Variants in PALM2AKAP2 observed in about 807,000 individuals in gnomAD.
The protein encoded by PALM2AKAP2 is PALM2-AKAP2 fusion protein.
In PALM2AKAP2, 37 loss-of-function variants were observed where a neutral mutation model predicts 71.5. The ratio of observed to expected loss-of-function variants is 0.52; its 90% confidence interval spans 0.40 to 0.68. The LOEUF (loss-of-function observed/expected upper bound fraction) is 0.68. PALM2AKAP2 is among the 30% of genes least tolerant of loss of function. The probability of loss-of-function intolerance (pLI) is 0.00; values close to 1 mark genes in which losing one functional copy is unlikely to be tolerated. For missense variants in PALM2AKAP2, 1,224 were observed against 1,191.8 expected, an observed-to-expected ratio of 1.03 and a Z score of -0.40; for synonymous variants, 468 against 478.8, an observed-to-expected ratio of 0.98 and a Z score of 0.29.
At position 109,847,865 on chromosome 9, in the gene PALM2AKAP2, C is replaced by T. The variant is rs376829725; in HGVS notation, c.46-19626C>T. On this transcript the variant is annotated intron_variant, in intron 1 of 9. Transcript: ENST00000302798. Reference sequence around the variant, plus strand: ...TGGCTGTAGGTGACTTTTGGTGCCACCATTTTTGACTCTTGTGGATAAAGA... The same window carrying T: ...TGGCTGTAGGTGACTTTTGGTGCCATCATTTTTGACTCTTGTGGATAAAGA... 1.8e-3 allele frequency among the ~76,000 whole-genome samples: 270 copies of T among 152,318 alleles called. 14 individuals carry two copies. The South Asian group carries it at 0.055, about 31-fold the overall frequency.
At position 109,931,925 on chromosome 9, in the gene PALM2AKAP2, A is replaced by G; in HGVS notation, c.395-2A>G. ...ATTGTATTCCCTGTTCTCTGCTACC[A>G]GATGCAGTAAATTACATTTCCTCCC... is the stretch of plus-strand genomic sequence containing the variant. On this transcript the variant is annotated splice_acceptor_variant, in intron 5 of 9. Transcript: ENST00000302798. LOFTEE classifies it high-confidence loss of function. 1 of 1,613,854 alleles carries G rather than the reference A, an allele frequency of 6.2e-7. No homozygotes were observed. Among genetic ancestry groups the G allele is most frequent in the Non-Finnish European group, 8.5e-7 (1 of 1,179,848 alleles).
At chr9:109,870,611 C>G (rs1829579047) in intron 2 of PALM2AKAP2, among the ~76,000 whole-genome samples, 2 of 152,162 alleles carry the variant, frequency 1.3e-5, no homozygotes, top group Admixed American at 1.3e-4. Flanking sequence ...AGTGATTTGC[C>G]CAAGACCATA....
At chr9:109,772,174 A>G (rs575333794) in intron 1 of PALM2AKAP2, 3 of 152,210 alleles carry the variant, frequency 2.0e-5, no homozygotes, top group Admixed American at 6.5e-5. Context: ...TTCCTTCTCA[A>G]AAGCGAAGGG....
chr9:109,863,338 AAAGT>A (rs1829364899), intron 1 of PALM2AKAP2, among the ~76,000 whole-genome samples: 1 of 152,218 alleles, frequency 6.6e-6, no homozygotes, highest in South Asian at 2.1e-4. Context: ...GTCTTTCAAG[AAAGT>A]AAGTGTCTAG....
At chr9:110,114,696 G>T (rs895729885) in intron 1 of PALM2AKAP2, among the ~76,000 whole-genome samples, 1 of 152,128 alleles carries the variant, frequency 6.6e-6, no homozygotes, top group African/African-American at 2.4e-5. Context: ...GCAGCAAAAC[G>T]GTCAACAGCA....
At chr9:109,861,005 C>T (rs560087504) in intron 1 of PALM2AKAP2, among the ~76,000 whole-genome samples, 17 of 152,336 alleles carry the variant, frequency 1.1e-4, no homozygotes, top group African/African-American at 4.1e-4. Flanking sequence ...CTTTACCCTC[C>T]TCTTGTCTAA....
At chr9:110,109,941 G>A in intron 1 of PALM2AKAP2, among the ~76,000 whole-genome samples, 1 of 152,214 alleles carries the variant, frequency 6.6e-6, no homozygotes, top group East Asian at 1.9e-4. Flanking sequence ...ACTGGCTGGA[G>A]GGGAGGGGGA....
At chr9:109,855,225 A>G (rs1829131379) in intron 1 of PALM2AKAP2, among the ~76,000 whole-genome samples, 1 of 152,114 alleles carries the variant, frequency 6.6e-6, no homozygotes, top group African/African-American at 2.4e-5. Context: ...GGCATGTGCT[A>G]CCATGACTGG....
At chr9:110,030,200 G>A (rs925757219) in intron 7 of PALM2AKAP2, among the ~76,000 whole-genome samples, 25 of 152,182 alleles carry the variant, frequency 1.6e-4, no homozygotes, top group African/African-American at 5.8e-4. Context: ...TGTGGAGATA[G>A]GAAGTGGGGG....
At chr9:110,083,236 G>T (rs147941424) in intron 1 of PALM2AKAP2, among the ~76,000 whole-genome samples, 53 of 152,186 alleles carry the variant, frequency 3.5e-4, no homozygotes, top group Non-Finnish European at 5.4e-4. Context: ...CTGTCTCTAC[G>T]GTTTGGCTAC....
At chr9:110,042,569 T>C (rs937089290) in intron 7 of PALM2AKAP2, among the ~76,000 whole-genome samples, 1 of 152,204 alleles carries the variant, frequency 6.6e-6, no homozygotes, top group Non-Finnish European at 1.5e-5. Context: ...AAACCACTAG[T>C]TGAGCTAGAG....
At chr9:110,059,711 A>G (rs1833920566) in intron 1 of PALM2AKAP2, among the ~76,000 whole-genome samples, 1 of 152,196 alleles carries the variant, frequency 6.6e-6, no homozygotes, top group South Asian at 2.1e-4. Flanking sequence ...GCTTCTGGCC[A>G]GAGTGGAATG....
chr9:109,943,568 T>C (rs1432934249), intron 6 of PALM2AKAP2: 3 of 1,180,902 alleles, frequency 2.5e-6, no homozygotes, highest in Non-Finnish European at 2.4e-6. Flanking sequence ...ATCTCTCTCA[T>C]TTTTTTTCCT....
chr9:109,935,049 G>A (rs1185737018), intron 6 of PALM2AKAP2, among the ~76,000 whole-genome samples: 1 of 152,192 alleles, frequency 6.6e-6, no homozygotes, highest in African/African-American at 2.4e-5. Flanking sequence ...CATGGGATTT[G>A]ACAGGGCTCT....
rs549882381 is a variant in PALM2AKAP2, at chr9:109,912,309, GA to G, written c.258-11414del. On this transcript the variant is annotated intron_variant, in intron 3 of 9. Coordinates refer to the PALM2AKAP2 transcript ENST00000302798. The stretch of plus-strand genomic sequence containing the variant: ...ATTTCTGTCTCAGGGATGACGTGAG[GA>G]AAAAAAAAAAAGAGGAGGAAATGGG... 2.2e-3 allele frequency among the ~76,000 whole-genome samples: 319 copies of G among 141,894 alleles called. 2 individuals are homozygous for G. Among genetic ancestry groups the G allele is most frequent in the Non-Finnish European group, 3.0e-3 (197 of 64,660 alleles). The allele number at this position is 141,894 out of a possible 152,430, so 93.1% of individuals were successfully genotyped here. A position where few individuals can be genotyped will look rare whatever the true frequency, so the allele number is the denominator to read the frequency against.
intron 2 of PALM2AKAP2, among the ~76,000 whole-genome samples, chr9:110,154,562 T>C (rs1836400822): frequency 6.6e-6 from 1 of 152,214 alleles, no homozygotes; most frequent in South Asian, 2.1e-4. Flanking sequence ...ATAATGTTTA[T>C]AGGGGTCATT....
upstream of PALM2AKAP2, among the ~76,000 whole-genome samples, chr9:109,776,805 G>GC (rs1415769974): frequency 6.6e-6 from 1 of 152,142 alleles, no homozygotes; most frequent in Admixed American, 6.5e-5. Context: ...CTCTTCTTTG[G>GC]CTTTTTGTCT....
chr9:110,130,509 G>T (rs1481161000), intron 1 of PALM2AKAP2, among the ~76,000 whole-genome samples: 2 of 152,214 alleles, frequency 1.3e-5, no homozygotes, highest in East Asian at 3.8e-4. Context: ...TTGCAGCCTG[G>T]CTACCAGGTT....
chr9:110,018,246 G>A (rs963589689), intron 7 of PALM2AKAP2, among the ~76,000 whole-genome samples: 2 of 152,024 alleles, frequency 1.3e-5, no homozygotes, highest in African/African-American at 4.8e-5. Context: ...CCCTACCCCA[G>A]GAAGATTTTT....
Sources: gnomAD v4.1 joint callset for allele counts (sites outside exome capture counted in the v4.1 genomes callset) on GRCh38, gnomAD v4.1.1 for gene constraint, MANE v1.5 for transcripts, NCBI Gene and HGNC (gene_info 2026-07-23, HGNC 2026-07-21) for gene names.